CTNNA3: variants seen among roughly 807,000 people sequenced by gnomAD.
CTNNA3 encodes the protein catenin alpha 3, also known as catenin alpha-3.
A neutral mutation model predicts 95.7 loss-of-function variants in CTNNA3; 76 were observed. The observed-to-expected ratio is 0.79, with a 90% CI of 0.66 to 0.96. The LOEUF (loss-of-function observed/expected upper bound fraction) is 0.96, where lower values mean the gene tolerates loss of function less well. Ranked by LOEUF, CTNNA3 falls within the 40% of genes least tolerant of loss-of-function variation. The probability of loss-of-function intolerance (pLI) is 0.00; values close to 1 mark genes in which losing one functional copy is unlikely to be tolerated. For missense variants in CTNNA3, 1,191 were observed against 1,089.8 expected (o/e 1.09, Z -1.31); for synonymous variants, 431 against 374.4 (o/e 1.15, Z -1.74).
At chr10:66,122,639 T>C (rs1478152578) in intron 13 of CTNNA3, among the ~76,000 whole-genome samples, 2 of 152,206 alleles carry the variant, frequency 1.3e-5, no homozygotes, top group African/African-American at 4.8e-5. Flanking sequence ...GTGTAAACCA[T>C]TTTCATACTG....
At chr10:66,432,670 A>AG (rs1231565507) in intron 11 of CTNNA3, among the ~76,000 whole-genome samples, 1 of 150,980 alleles carries the variant, frequency 6.6e-6, no homozygotes, top group African/African-American at 2.4e-5. Context: ...CAGAAAAAAA[A>AG]AAAAAAAAAG....
intron 2 of CTNNA3, among the ~76,000 whole-genome samples, chr10:67,635,222 A>G (rs1325350742): frequency 6.6e-6 from 1 of 152,210 alleles, no homozygotes; most frequent in Non-Finnish European, 1.5e-5. Flanking sequence ...AGAAGGATTT[A>G]TAGCTGAATT....
At chr10:67,523,276 G>A (rs991624742) in intron 4 of CTNNA3, among the ~76,000 whole-genome samples, 8 of 152,160 alleles carry the variant, frequency 5.3e-5, no homozygotes, top group African/African-American at 1.7e-4. Flanking sequence ...TTCCTGCCCT[G>A]AAGGAACTCA....
Position 67,606,841 on chromosome 10 carries a change from G to A in CTNNA3, c.292+16C>T, listed in dbSNP as rs778474540. The A allele has an allele frequency of 6.2e-7, 1 of 1,601,796 alleles. No individual in the cohort carries two copies. Among genetic ancestry groups the A allele is most frequent in the Non-Finnish European group, 8.5e-7 (1 of 1,170,778 alleles). On this transcript the variant is annotated intron_variant, in intron 3 of 17. Transcript: ENST00000433211. ...AAGATATGCAGTTTGCTCCTGACCA[G>A]GATTGGAGTACTCACTTTCTTTGCG...
At chr10:66,034,012 T>A (rs1474122497) in intron 15 of CTNNA3, among the ~76,000 whole-genome samples, 1 of 152,120 alleles carries the variant, frequency 6.6e-6, no homozygotes, top group African/African-American at 2.4e-5. Flanking sequence ...ATCTGTAAAA[T>A]ATTAACAGTA....
At chr10:66,849,710 T>G (rs1373353511) in intron 7 of CTNNA3, among the ~76,000 whole-genome samples, 1 of 152,064 alleles carries the variant, frequency 6.6e-6, no homozygotes, top group African/African-American at 2.4e-5. Flanking sequence ...CAAGGAAGAA[T>G]TCTTTCCTAG....
chr10:67,704,449 C>T (rs868057412), intron 1 of CTNNA3, among the ~76,000 whole-genome samples: 1 of 150,262 alleles, frequency 6.7e-6, no homozygotes, highest in African/African-American at 2.4e-5. Flanking sequence ...ATGGAACAGA[C>T]CAGAGCCCTC....
At chr10:67,092,548 G>T (rs764549011) in intron 7 of CTNNA3, among the ~76,000 whole-genome samples, 4 of 151,760 alleles carry the variant, frequency 2.6e-5, no homozygotes, top group Non-Finnish European at 4.4e-5. Context: ...TATATACAAA[G>T]ATATTTGTAC....
chr10:67,361,020 A>T (rs1334274110), intron 5 of CTNNA3, among the ~76,000 whole-genome samples: 1 of 152,158 alleles, frequency 6.6e-6, no homozygotes, highest in African/African-American at 2.4e-5. Context: ...GTAAAAAAAA[A>T]AAAGAACAAA....
chr10:67,309,815 C>T (rs530370659), intron 5 of CTNNA3, among the ~76,000 whole-genome samples: 2 of 152,140 alleles, frequency 1.3e-5, no homozygotes, highest in South Asian at 4.2e-4. Context: ...CATACCATTG[C>T]CGGCCAAAAG....
At chr10:66,966,212 A>G (rs778681119) in intron 7 of CTNNA3, among the ~76,000 whole-genome samples, 5 of 152,168 alleles carry the variant, frequency 3.3e-5, no homozygotes, top group Non-Finnish European at 7.4e-5. Context: ...AATAAACGAA[A>G]ACAATTTTCC....
chr10:66,017,746 T>C (rs183990874), intron 15 of CTNNA3, among the ~76,000 whole-genome samples: 49 of 152,234 alleles, frequency 3.2e-4, no homozygotes, highest in Middle Eastern at 6.8e-3. Flanking sequence ...ATGCTATGCA[T>C]TGAATTTCTG....
At chr10:66,919,416 A>G (rs1425789836) in intron 7 of CTNNA3, among the ~76,000 whole-genome samples, 1 of 152,174 alleles carries the variant, frequency 6.6e-6, no homozygotes, top group Non-Finnish European at 1.5e-5. Context: ...AGTGTTGGCT[A>G]GATTTCTGTA....
At chr10:67,232,902 A>T (rs1865285913) in intron 5 of CTNNA3, among the ~76,000 whole-genome samples, 1 of 152,094 alleles carries the variant, frequency 6.6e-6, no homozygotes, top group Admixed American at 6.5e-5. Flanking sequence ...CAAAGATCAA[A>T]AGAGACAAAG....
intron 5 of CTNNA3, among the ~76,000 whole-genome samples, chr10:67,302,010 AG>A (rs58036903): frequency 1.9e-4 from 3 of 15,552 alleles, no homozygotes; most frequent in Non-Finnish European, 3.1e-4. Flanking sequence ...AACGAAAGAA[AG>A]AAAGAAAGAA....
intron 9 of CTNNA3, among the ~76,000 whole-genome samples, chr10:66,701,229 T>C (rs921427005): frequency 1.8e-4 from 28 of 152,168 alleles, no homozygotes; most frequent in African/African-American, 6.3e-4. Flanking sequence ...TTTTTCTGAG[T>C]TTCCTTTAAC....
At chr10:66,346,076 CAAAAA>C (rs746349432) in intron 12 of CTNNA3, among the ~76,000 whole-genome samples, 1 of 70,420 alleles carries the variant, frequency 1.4e-5, no homozygotes, top group African/African-American at 5.3e-5. Flanking sequence ...GACTCCATCT[CAAAAA>C]AAAAAAAAAA....
chr10:66,294,333 G>C (rs181608256), intron 12 of CTNNA3, among the ~76,000 whole-genome samples: 233 of 152,286 alleles, frequency 1.5e-3, no homozygotes, highest in Admixed American at 2.9e-3. Context: ...TGGGTAGAGA[G>C]AGAAGAAGGA....
chr10:66,007,540 C>A (rs2078911676), intron 15 of CTNNA3, among the ~76,000 whole-genome samples: 2 of 152,176 alleles, frequency 1.3e-5, no homozygotes, highest in South Asian at 4.1e-4. Flanking sequence ...GAGTGATCCT[C>A]CTTCTCATGT....
Sources: gnomAD v4.1 joint callset for allele counts (sites outside exome capture counted in the v4.1 genomes callset) on GRCh38, gnomAD v4.1.1 for gene constraint, MANE v1.5 for transcripts, NCBI Gene and HGNC (gene_info 2026-07-23, HGNC 2026-07-21) for gene names.